The following RERE variants were observed in gnomAD, a reference collection of about 807,000 sequenced individuals.
RERE encodes arginine-glutamic acid dipeptide repeats protein.
Under a neutral mutation model 146.1 loss-of-function variants are expected in RERE, and 40 were observed. The observed-to-expected ratio is 0.27, with a 90% confidence interval of 0.21 to 0.36. The LOEUF (loss-of-function observed/expected upper bound fraction) is 0.36. RERE is among the 10% of genes least tolerant of loss of function. The pLI, the probability that RERE is intolerant of heterozygous loss-of-function variation, is 1.00. For missense variants in RERE, 1,933 were observed against 2,138.7 expected, an observed-to-expected ratio of 0.90 and a Z score of 1.90; for synonymous variants, 1,003 against 866.0, an observed-to-expected ratio of 1.16 and a Z score of -2.78.
chr1:8,552,019 T>C (rs1645941688), intron 6 of RERE, among the ~76,000 whole-genome samples: 1 of 152,182 alleles, frequency 6.6e-6, no homozygotes, highest in African/African-American at 2.4e-5. Context: ...CCTTGAAAGG[T>C]AGAGATAAGG....
intron 1 of RERE, among the ~76,000 whole-genome samples, chr1:8,672,094 T>C (rs151237018): frequency 1.4e-4 from 22 of 152,154 alleles, no homozygotes; most frequent in Admixed American, 1.2e-3. Context: ...GTGGGCAACA[T>C]AGCAAGCTCC....
intron 4 of RERE, among the ~76,000 whole-genome samples, chr1:8,585,292 T>C (rs1646414389): frequency 6.6e-6 from 1 of 152,186 alleles, no homozygotes; most frequent in Non-Finnish European, 1.5e-5. Flanking sequence ...TGGATTTAAA[T>C]GAGACAGCGT....
chr1:8,603,938 C>CAAAAAAAAA (rs61119278), intron 4 of RERE, among the ~76,000 whole-genome samples: 12 of 124,932 alleles, frequency 9.6e-5, no homozygotes, highest in Admixed American at 6.6e-4. Context: ...GACCCTGTCT[C>CAAAAAAAAA]AAAAAAAAAA....
chr1:8,776,869 G>A (rs968797937), intron 1 of RERE, among the ~76,000 whole-genome samples: 8 of 151,608 alleles, frequency 5.3e-5, no homozygotes, highest in African/African-American at 1.2e-4. Context: ...GTAGGCATGC[G>A]CCACCATGGC....
At position 8,361,026 on chromosome 1, in the gene RERE, C is replaced by CTGCAGCGGGGGATGTGGCGAGGGA; in HGVS notation, c.2457_2480dup (p.His819_Leu826dup). The CTGCAGCGGGGGATGTGGCGAGGGA allele has an allele frequency of 7.0e-7, 1 of 1,435,616 alleles. No homozygotes were observed. Among genetic ancestry groups the CTGCAGCGGGGGATGTGGCGAGGGA allele is most frequent in the Non-Finnish European group, 9.1e-7 (1 of 1,100,650 alleles). 88.9% of individuals were successfully genotyped at this position (1,435,616 alleles called of 1,614,324 possible). ...GCTGGCCCGCCGACCCAGTCAGAGG[C>CTGCAGCGGGGGATGTGGCGAGGGA]TGCAGCGGGGGATGTGGCGAGGGAT... On this transcript the variant is annotated inframe_insertion, in exon 18 of 23. Transcript: ENST00000400908.
intron 11 of RERE, among the ~76,000 whole-genome samples, chr1:8,455,337 G>C (rs964813458): frequency 6.6e-6 from 1 of 152,126 alleles, no homozygotes; most frequent in Non-Finnish European, 1.5e-5. Flanking sequence ...TGAACTGGGG[G>C]AACAGTGCTG....
intron 12 of RERE, among the ~76,000 whole-genome samples, chr1:8,405,090 G>A (rs374531642): frequency 1.3e-5 from 2 of 152,328 alleles, no homozygotes; most frequent in South Asian, 4.1e-4. Flanking sequence ...GAAGAAAAAG[G>A]AGACTGCAGG....
chr1:8,604,674 A>ATC (rs1646679968), intron 4 of RERE, among the ~76,000 whole-genome samples: 1 of 149,914 alleles, frequency 6.7e-6, no homozygotes, highest in African/African-American at 2.5e-5. Context: ...GGAAGGAAGG[A>ATC]AGTCCACATA....
intron 11 of RERE, among the ~76,000 whole-genome samples, chr1:8,464,491 C>T (rs949693844): frequency 9.2e-5 from 14 of 152,204 alleles, no homozygotes; most frequent in African/African-American, 3.1e-4. Flanking sequence ...ACTGTCGGAG[C>T]AAGTCACTCC....
intron 1 of RERE, among the ~76,000 whole-genome samples, chr1:8,706,113 C>CAAAAAA (rs61016240): frequency 2.9e-5 from 2 of 69,186 alleles, no homozygotes; most frequent in African/African-American, 6.0e-5. Flanking sequence ...ACTCCGTCTC[C>CAAAAAA]AAAAAAAAAA....
Position 8,582,414 on chromosome 1 carries a change from T to C in RERE, c.523-24891A>G, listed in dbSNP as rs1458087634. On this transcript the variant is annotated intron_variant, in intron 4 of 22. Coordinates refer to ENST00000400908, the MANE Select transcript of RERE (RefSeq NM_001042681.2). ...TCTCTCTTTCTTTAAAAACTTTTTT[T>C]CTTTTTTTTTTTTTGGGGGGTAGAG... Among the ~76,000 whole-genome samples the C allele has an allele frequency of 4.5e-3, 674 of 151,104 alleles. 3 individuals are homozygous for C. The highest frequency in any genetic ancestry group is 0.016 in the African/African-American group (648 of 41,086).
In RERE at chr1:8,817,249, A is replaced by C. The variant is rs1201215603; in HGVS notation, c.-234T>G. The C allele has an allele frequency of 2.0e-5, 3 of 150,674 alleles. No individual in the cohort carries two copies. The highest frequency in any genetic ancestry group is 7.4e-5 in the African/African-American group (3 of 40,716). 9.3% of individuals were successfully genotyped at this position (150,674 alleles called of 1,614,324 possible). A position where few individuals can be genotyped will look rare whatever the true frequency, so the allele number is the denominator to read the frequency against. ...GGGGATGGGGCGGGAGGCCGCGCGG[A>C]GGCTGCGGGGCCGCGGGGCGCAGGG... On this transcript the variant is annotated 5_prime_UTR_variant, in exon 1 of 23. Transcript: ENST00000400908.
chr1:8,795,967 A>T (rs1440544456), intron 1 of RERE, among the ~76,000 whole-genome samples: 1 of 149,570 alleles, frequency 6.7e-6, no homozygotes, highest in Non-Finnish European at 1.5e-5. Flanking sequence ...GGGCAACAAG[A>T]ACGAAACTCC....
intron 12 of RERE, 37 bp from the exon 13 acceptor site, chr1:8,366,011 G>C: frequency 6.2e-7 from 1 of 1,604,344 alleles, no homozygotes; most frequent in Non-Finnish European, 8.5e-7. Flanking sequence ...GGGAGGGCCT[G>C]GGGCTTTTCC....
At chr1:8,804,652 G>A (rs1569833751) in intron 1 of RERE, among the ~76,000 whole-genome samples, 2 of 152,334 alleles carry the variant, frequency 1.3e-5, no homozygotes, top group East Asian at 3.9e-4. Flanking sequence ...TTTCTGGAAA[G>A]TATCTTCACA....
At chr1:8,734,102 G>A (rs914586410) in intron 1 of RERE, among the ~76,000 whole-genome samples, 1 of 152,104 alleles carries the variant, frequency 6.6e-6, no homozygotes, top group Non-Finnish European at 1.5e-5. Flanking sequence ...GTGAGACTCC[G>A]TCTCAAAAAT....
intron 7 of RERE, among the ~76,000 whole-genome samples, chr1:8,516,766 C>G (rs1383104956): frequency 6.6e-6 from 1 of 152,048 alleles, no homozygotes; most frequent in Non-Finnish European, 1.5e-5. Flanking sequence ...TATTTTGGTT[C>G]TATGTTTATT....
intron 1 of RERE, among the ~76,000 whole-genome samples, chr1:8,725,045 T>C (rs1012364324): frequency 6.6e-6 from 1 of 152,210 alleles, no homozygotes; most frequent in African/African-American, 2.4e-5. Context: ...AAAACACGAA[T>C]GCTTATTTTA....
chr1:8,500,997 G>A (rs1645131972), intron 8 of RERE, among the ~76,000 whole-genome samples: 1 of 147,688 alleles, frequency 6.8e-6, no homozygotes, highest in Non-Finnish European at 1.5e-5. Context: ...TGGGAAGTGA[G>A]GAGCGTCTCC....
Sources: gnomAD v4.1 joint callset for allele counts (sites outside exome capture counted in the v4.1 genomes callset) on GRCh38, gnomAD v4.1.1 for gene constraint, MANE v1.5 for transcripts, NCBI Gene and HGNC (gene_info 2026-07-23, HGNC 2026-07-21) for gene names.